The following TRAPPC9 variants were observed in gnomAD, a reference collection of about 807,000 sequenced individuals.
The protein encoded by TRAPPC9 is IKK2 binding protein.
Under a neutral mutation model 124.0 loss-of-function variants are expected in TRAPPC9, and 83 were observed. The ratio of observed to expected loss-of-function variants is 0.67; its 90% CI spans 0.56 to 0.80. The LOEUF is 0.80. TRAPPC9 is among the 30% of genes least tolerant of loss of function. TRAPPC9 has a pLI of 0.00. For missense variants in TRAPPC9, 1,302 were observed against 1,508.3 expected (o/e 0.86, Z 2.27); for synonymous variants, 638 against 617.5 (o/e 1.03, Z -0.49).
intron 9 of TRAPPC9, among the ~76,000 whole-genome samples, chr8:140,323,678 A>G (rs1428602940): frequency 6.6e-6 from 1 of 152,154 alleles, no homozygotes; most frequent in East Asian, 1.9e-4. Flanking sequence ...AACAGAAAAA[A>G]CACTTTGAGT....
At chr8:140,359,120 T>C in intron 9 of TRAPPC9, among the ~76,000 whole-genome samples, 1 of 152,180 alleles carries the variant, frequency 6.6e-6, no homozygotes, top group East Asian at 1.9e-4. Context: ...GCCACGGCAG[T>C]GCAGGGCTCC....
At chr8:139,737,116 C>G (rs1818223490) in intron 21 of TRAPPC9, among the ~76,000 whole-genome samples, 1 of 152,228 alleles carries the variant, frequency 6.6e-6, no homozygotes, top group Non-Finnish European at 1.5e-5. Flanking sequence ...CTGCTGGGAG[C>G]TCACCCCGTC....
chr8:140,111,937 T>C (rs2060783241), intron 17 of TRAPPC9, among the ~76,000 whole-genome samples: 1 of 152,256 alleles, frequency 6.6e-6, no homozygotes, highest in Admixed American at 6.5e-5. Flanking sequence ...TTTAATAAGG[T>C]GACTCCTGCA....
intron 10 of TRAPPC9, among the ~76,000 whole-genome samples, chr8:140,309,789 C>A (rs1417708757): frequency 6.6e-6 from 1 of 152,242 alleles, no homozygotes; most frequent in Non-Finnish European, 1.5e-5. Flanking sequence ...TGAGCAAGCA[C>A]TGGGCACTGC....
intron 17 of TRAPPC9, among the ~76,000 whole-genome samples, chr8:140,209,398 T>C (rs576554277): frequency 1.3e-4 from 20 of 152,230 alleles, no homozygotes; most frequent in Admixed American, 2.6e-4. Flanking sequence ...GTGATCATCA[T>C]GCAAGGCAAA....
chr8:139,824,301 C>CG (rs1456174953), intron 21 of TRAPPC9, among the ~76,000 whole-genome samples: 1 of 152,160 alleles, frequency 6.6e-6, no homozygotes, highest in Non-Finnish European at 1.5e-5. Context: ...GTCACTGTGA[C>CG]GATGCCAAGC....
intron 17 of TRAPPC9, among the ~76,000 whole-genome samples, chr8:140,142,788 C>A (rs762774282): frequency 3.9e-5 from 6 of 152,186 alleles, no homozygotes; most frequent in Non-Finnish European, 8.8e-5. Flanking sequence ...AATAAATTAG[C>A]CTCTCCAAAC....
chr8:139,815,214 C>T (rs944470651), intron 21 of TRAPPC9, among the ~76,000 whole-genome samples: 2 of 152,162 alleles, frequency 1.3e-5, no homozygotes, highest in African/African-American at 4.8e-5. Context: ...TCCGGAGAAG[C>T]TCCCATCACT....
chr8:139,942,058 G>A (rs983639127), intron 19 of TRAPPC9, among the ~76,000 whole-genome samples: 9 of 152,208 alleles, frequency 5.9e-5, no homozygotes, highest in African/African-American at 1.9e-4. Context: ...AAGCCTTAGT[G>A]TCCTTTTCTG....
At chr8:140,388,786 T>A (rs2068832466) in intron 7 of TRAPPC9, among the ~76,000 whole-genome samples, 1 of 145,838 alleles carries the variant, frequency 6.9e-6, no homozygotes, top group Non-Finnish European at 1.5e-5. Flanking sequence ...AGGCGGAGGT[T>A]GCAGTGAGCA....
intron 21 of TRAPPC9, among the ~76,000 whole-genome samples, chr8:139,848,031 G>A (rs1190137423): frequency 6.6e-6 from 1 of 152,216 alleles, no homozygotes; most frequent in Non-Finnish European, 1.5e-5. Context: ...CCTCACGCAG[G>A]GCCTGTCCCA....
intron 10 of TRAPPC9, among the ~76,000 whole-genome samples, chr8:140,307,330 G>A (rs1434811026): frequency 2.0e-5 from 3 of 152,150 alleles, no homozygotes; most frequent in South Asian, 2.1e-4. Flanking sequence ...CCTGACTCCA[G>A]CCCTACCTGA....
intron 17 of TRAPPC9, among the ~76,000 whole-genome samples, chr8:140,038,349 C>A (rs1270086636): frequency 1.3e-5 from 2 of 152,208 alleles, no homozygotes; most frequent in Non-Finnish European, 2.9e-5. Flanking sequence ...CGTGGCCTGA[C>A]ACCCCTGAGG....
chr8:139,893,137 C>T (rs1036037964), intron 20 of TRAPPC9, among the ~76,000 whole-genome samples: 2 of 152,252 alleles, frequency 1.3e-5, no homozygotes, highest in African/African-American at 4.8e-5. Flanking sequence ...TGGTGAGGGG[C>T]TCCTTCCTCT....
At position 139,808,408 on chromosome 8, in the gene TRAPPC9, C is replaced by A. The variant is rs569555583; in HGVS notation, c.3056-76206G>T. On this transcript the variant is annotated intron_variant, in intron 21 of 22. Coordinates refer to ENST00000438773, the MANE Select transcript of TRAPPC9 (RefSeq NM_001160372.4). ...TCCAGGAGGTGAAGGTTGCAGTGAG[C>A]CGAGATGGTGCCACTGCACTCAAGC... Among the ~76,000 whole-genome samples the A allele has an allele frequency of 6.1e-3, 927 of 152,256 alleles. 13 individuals carry two copies. The highest frequency in any genetic ancestry group is 0.022 in the African/African-American group (907 of 41,542).
At chr8:139,757,825 C>A (rs908650385) in intron 21 of TRAPPC9, among the ~76,000 whole-genome samples, 3 of 152,136 alleles carry the variant, frequency 2.0e-5, no homozygotes, top group African/African-American at 7.2e-5. Context: ...GCAGTCGGCA[C>A]TGCTGGCGGG....
intron 6 of TRAPPC9, among the ~76,000 whole-genome samples, chr8:140,404,866 G>C (rs11166975): frequency 0.28 from 41,927 of 151,062 alleles, 6,786 homozygotes; most frequent in East Asian, 0.44. Context: ...GCGGGTGTGA[G>C]CATGCGCGTG....
chr8:139,805,383 G>C (rs1373184517), intron 21 of TRAPPC9, among the ~76,000 whole-genome samples: 2 of 152,216 alleles, frequency 1.3e-5, no homozygotes, highest in Non-Finnish European at 1.5e-5. Context: ...TCGGAAGTGG[G>C]AAGACCCCAC....
At chr8:139,977,204 G>A (rs770492897) in intron 19 of TRAPPC9, among the ~76,000 whole-genome samples, 32 of 152,120 alleles carry the variant, frequency 2.1e-4, no homozygotes, top group Non-Finnish European at 3.7e-4. Context: ...CAGGTGTAAC[G>A]GCCCGTGCGG....
Sources: allele counts gnomAD v4.1 joint callset (sites outside exome capture counted in the v4.1 genomes callset), GRCh38; gene constraint gnomAD v4.1.1; transcripts MANE v1.5; gene names NCBI Gene and HGNC (gene_info 2026-07-23, HGNC 2026-07-21).